The following PSMD10 variants were observed in gnomAD, a reference collection of about 807,000 sequenced individuals.
The protein encoded by PSMD10 is proteasome 26S subunit, non-ATPase 10.
PSMD10 carries 2 observed loss-of-function variants against 13.2 expected under a neutral mutation model. The observed-to-expected ratio is 0.15, with a 90% CI of 0.06 to 0.48. The LOEUF is 0.48. Ranked by LOEUF, PSMD10 falls within the 20% of genes least tolerant of loss-of-function variation. PSMD10 has a pLI of 0.97. For missense variants in PSMD10, 120 were observed against 167.4 expected (o/e 0.72, Z 1.56); for synonymous variants, 66 against 64.4 (o/e 1.03, Z -0.12).
Position 108,091,499 on chromosome X carries a change from G to A in PSMD10, c.22C>T (p.Leu8=), listed in dbSNP as rs1444318832. The A allele has an allele frequency of 8.3e-6, 10 of 1,210,635 alleles. No individual in the cohort carries two copies. The highest frequency in any genetic ancestry group is 1.1e-5 in the Non-Finnish European group (10 of 894,851). MEGCVSN[L]MVCNLAYSGK... is the part of the protein sequence containing the mutation. ...CTGTAGGCCAGGTTGCAGACCATTA[G>A]GTTAGACACACACCCCTCCATTTCG... The change falls in exon 1 of 5, where the codon CTA becomes TTA. Residue 8 remains leucine (L), a synonymous_variant. Coordinates refer to ENST00000217958, the MANE Select transcript of PSMD10 (RefSeq NM_002814.4).
At chrX:108,088,979 C>T (rs751955647) in intron 1 of PSMD10, 129 bp from the exon 2 acceptor site, 673 of 440,273 alleles carry the variant, frequency 1.5e-3, no homozygotes, top group Non-Finnish European at 2.3e-3. Context: ...AGGTAGGTAA[C>T]CTTAAACTAT....
chrX:108,089,090 T>C (rs2031533615), intron 1 of PSMD10, among the ~76,000 whole-genome samples: 1 of 112,479 alleles, frequency 8.9e-6, no homozygotes, highest in South Asian at 3.6e-4. Context: ...AGGAAAGTAG[T>C]AGAGCAAGAA....
chrX:108,091,427 G>A lies in PSMD10; in HGVS notation c.94C>T (p.Leu32=). The A allele has an allele frequency of 8.3e-7, 1 of 1,211,986 alleles. No individual in the cohort carries two copies. The change falls in exon 1 of 5, where the codon CTG becomes TTG. Residue 32 remains leucine (L), a synonymous_variant. Coordinates refer to ENST00000217958, the MANE Select transcript of PSMD10 (RefSeq NM_002814.4). ...TTTACCTGGTCAGTTCTAGTAGCCAGGGATTTATCGGCCAGAATACTCTCC... is the reference window on the plus strand; with the variant it reads ...TTTACCTGGTCAGTTCTAGTAGCCAAGGATTTATCGGCCAGAATACTCTCC... ...LKESILADKS[L]ATRTDQDSRT...
chrX:108,088,593 C>A, intron 2 of PSMD10, 159 bp downstream of exon 2: 1 of 450,745 alleles, frequency 2.2e-6, no homozygotes. Context: ...ATAATGCAAC[C>A]ATGAGTCTCA....
chrX:108,090,625 T>C (rs2031580983), intron 1 of PSMD10, among the ~76,000 whole-genome samples: 1 of 112,021 alleles, frequency 8.9e-6, no homozygotes, highest in Admixed American at 9.4e-5. Flanking sequence ...ACAGTCTCAC[T>C]AGTGCTTACG....
intron 4 of PSMD10, chrX:108,087,332 C>A: frequency 7.7e-6 from 1 of 129,489 alleles, no homozygotes; most frequent in East Asian, 2.3e-4. Flanking sequence ...TTTATATACC[C>A]ATTAAAAAGG....
chrX:108,088,704 A>C, intron 2 of PSMD10, 48 bp downstream of exon 2: 1 of 1,044,031 alleles, frequency 9.6e-7, no homozygotes, highest in African/African-American at 1.8e-5. Context: ...AGTCTGGAGT[A>C]CAAAGATAAC....
chrX:108,084,961 AAATC>A lies in PSMD10; in HGVS notation c.*9_*12del. The A allele has an allele frequency of 8.4e-7, 1 of 1,186,528 alleles. No individual in the cohort carries two copies. Among genetic ancestry groups the A allele is most frequent in the Non-Finnish European group, 1.1e-6 (1 of 884,183 alleles). On this transcript the variant is annotated 3_prime_UTR_variant, in exon 5 of 5. Coordinates refer to ENST00000217958, the MANE Select transcript of PSMD10 (RefSeq NM_002814.4). ...ACAACACAACATACAAAGTAAGAAT[AAATC>A]CAAGCTGTTTAACCTTCCACCATTC...
chrX:108,088,663 T>C (rs2031527439), intron 2 of PSMD10, 89 bp downstream of exon 2: 1 of 718,015 alleles, frequency 1.4e-6, no homozygotes, highest in Non-Finnish European at 2.1e-6. Context: ...ATTTTCTTTA[T>C]AAGCTTAATG....
At chrX:108,088,990 A>C (rs2031532095) in intron 1 of PSMD10, 140 bp from the exon 2 acceptor site, 2 of 405,584 alleles carry the variant, frequency 4.9e-6, no homozygotes, top group East Asian at 3.8e-5. Context: ...CTTAAACTAT[A>C]TTACTTACTG....
rs376629780 is a variant in PSMD10, at chrX:108,085,003, A to T, written c.652T>A (p.Leu218Ile). 255 of 1,205,841 alleles carry T rather than the reference A, an allele frequency of 2.1e-4. No homozygotes were observed. Among genetic ancestry groups the T allele is most frequent in the Non-Finnish European group, 2.7e-4 (238 of 893,453 alleles). The change falls in exon 5 of 5, where the codon TTA becomes ATA. Residue 218 changes from leucine to isoleucine, a missense_variant. Physicochemically the swap from Leu to Ile is conservative, Grantham distance 5 (BLOSUM62 2). Around this residue, in one of 3 missense-constraint regions of PSMD10, gnomAD observed 20 missense variants for 16.4 expected, o/e 1.22. Coordinates refer to ENST00000217958, the MANE Select transcript of PSMD10 (RefSeq NM_002814.4). The part of the protein sequence containing the change: ...PLQVAKGGLG[L>I]ILKRMVEG ...CCTTCCACCATTCTCTTGAGTATTA[A>T]ACCCAGGCCACCTTTGGCCACTTGC...
chrX:108,084,880 C>G lies in PSMD10; in HGVS notation c.*94G>C. On this transcript the variant is annotated 3_prime_UTR_variant, in exon 5 of 5. Transcript: ENST00000217958. ...GACTTTGAAGGTGAGAAAACTTCAT[C>G]ATTCATAGATGATGTCTTGTGCACA... 1.0e-6 allele frequency: 1 copy of G among 966,360 alleles called. No homozygotes were observed. The highest frequency in any genetic ancestry group is 1.4e-6 in the Non-Finnish European group (1 of 731,210). The allele number at this position is 966,360 out of a possible 1,213,427, so 79.6% of individuals were successfully genotyped here. A position where few individuals can be genotyped will look rare whatever the true frequency, so the allele number is the denominator to read the frequency against.
rs2147942006 is a variant in PSMD10 at position 108,088,023 on chromosome X, G to A, written c.290C>T (p.Ala97Val). Residue 97 changes from alanine to valine, a missense_variant, in exon 3 of 5, where the codon GCT becomes GTT. Ala to Val is a moderately conservative substitution (Grantham distance 64, BLOSUM62 0). Around this residue, in one of 3 missense-constraint regions of PSMD10, gnomAD observed 68 missense variants for 124.8 expected, o/e 0.54. Transcript: ENST00000217958. ...EIVKALLGKG[A>V]QVNAVNQNGC... Reference sequence around the variant, plus strand: ...ATTTTGATTGACAGCATTCACTTGAGCACCTTTTCCCAGAAGGGCTTTTAC... The same window carrying A: ...ATTTTGATTGACAGCATTCACTTGAACACCTTTTCCCAGAAGGGCTTTTAC... 8.3e-7 allele frequency: 1 copy of A among 1,210,439 alleles called. No individual in the cohort carries two copies. The highest frequency in any genetic ancestry group is 3.0e-5 in the East Asian group (1 of 33,831).
At chrX:108,089,787 G>T (rs1244285929) in intron 1 of PSMD10, among the ~76,000 whole-genome samples, 1 of 110,853 alleles carries the variant, frequency 9.0e-6, no homozygotes, top group Non-Finnish European at 1.9e-5. Context: ...GAGGTGATAC[G>T]GCACCACTGC....
chrX:108,086,139 A>G (rs2031494728), intron 4 of PSMD10, among the ~76,000 whole-genome samples: 1 of 112,400 alleles, frequency 8.9e-6, no homozygotes, highest in African/African-American at 3.2e-5. Context: ...ACTCTGGACT[A>G]AAAAGAAGAC....
chrX:108,088,841 T>A lies in PSMD10; in HGVS notation c.124A>T (p.Thr42Ser). 1 of 1,169,557 alleles carries A rather than the reference T, an allele frequency of 8.6e-7. No individual in the cohort carries two copies. The highest frequency in any genetic ancestry group is 1.2e-6 in the Non-Finnish European group (1 of 867,192). Reference protein sequence around the residue: ...LATRTDQDSRTALHWACSAGH... With the variant: ...LATRTDQDSRSALHWACSAGH... ...GCTGAGCATGCCCAGTGCAATGCAG[T>A]TCTGCTGTCCTACAGAGAAGCAGTA... The change falls in exon 2 of 5, where the codon ACT (threonine) becomes TCT (serine). Residue 42 changes from threonine to serine, a missense_variant. Coordinates refer to ENST00000217958, the MANE Select transcript of PSMD10 (RefSeq NM_002814.4).
chrX:108,088,570 A>G (rs1025227327), intron 2 of PSMD10, 182 bp downstream of exon 2: 18 of 427,286 alleles, frequency 4.2e-5, no homozygotes, highest in Non-Finnish European at 6.3e-5. Context: ...AGTGGCAAAC[A>G]TAACATTGTA....
intron 4 of PSMD10, among the ~76,000 whole-genome samples, chrX:108,085,437 C>T (rs1209740626): frequency 2.7e-5 from 3 of 112,488 alleles, no homozygotes; most frequent in Non-Finnish European, 3.8e-5. Flanking sequence ...TCAAACACTA[C>T]ATGTAATAAT....
rs778284448 is a variant in PSMD10 at position 108,084,347 on chromosome X, C to T, written c.*627G>A. ...CTTTAAAACTTCCTTTTAAGAAAACCATACATTTTATTTCAGAGTAAACAA... is the reference window on the plus strand; with the variant it reads ...CTTTAAAACTTCCTTTTAAGAAAACTATACATTTTATTTCAGAGTAAACAA... On this transcript the variant is annotated 3_prime_UTR_variant, in exon 5 of 5. Coordinates refer to ENST00000217958, the MANE Select transcript of PSMD10 (RefSeq NM_002814.4). The T allele has an allele frequency of 4.5e-5, 5 of 112,146 alleles. No individual in the cohort carries two copies. The highest frequency in any genetic ancestry group is 9.4e-5 in the Admixed American group (1 of 10,636). The allele number at this position is 112,146 out of a possible 1,213,427, so 9.2% of individuals were successfully genotyped here. A position where few individuals can be genotyped will look rare whatever the true frequency, so the allele number is the denominator to read the frequency against.
Sources: gnomAD v4.1 joint callset for allele counts (sites outside exome capture counted in the v4.1 genomes callset) on GRCh38, gnomAD v4.1.1 for gene constraint, gnomAD v4.1.1 regional missense constraint, MANE v1.5 for transcripts, NCBI Gene and HGNC (gene_info 2026-07-23, HGNC 2026-07-21) for gene names.